GFRA1: variants seen among roughly 807,000 people sequenced by gnomAD.
GFRA1 encodes the protein GDNF family receptor alpha 1.
Under a neutral mutation model 51.6 loss-of-function variants are expected in GFRA1, and 16 were observed. The ratio of observed to expected loss-of-function variants is 0.31; its 90% CI spans 0.21 to 0.47. The LOEUF (loss-of-function observed/expected upper bound fraction) is 0.47, where lower values mean the gene tolerates loss of function less well. GFRA1 is among the 20% of genes least tolerant of loss of function. The probability of loss-of-function intolerance (pLI) is 1.00; values close to 1 mark genes in which losing one functional copy is unlikely to be tolerated. For synonymous variants in GFRA1, 270 were observed against 241.3 expected, an observed-to-expected ratio of 1.12 and a Z score of -1.10; for missense variants, 530 against 594.3, an observed-to-expected ratio of 0.89 and a Z score of 1.13.
chr10:116,234,110 A>C (rs1316416430), intron 4 of GFRA1, among the ~76,000 whole-genome samples: 1 of 152,202 alleles, frequency 6.6e-6, no homozygotes, highest in African/African-American at 2.4e-5. Flanking sequence ...TTTTTGTGCT[A>C]AATCAGAACA....
chr10:116,202,640 T>A (rs917008236), intron 5 of GFRA1, among the ~76,000 whole-genome samples: 2 of 152,072 alleles, frequency 1.3e-5, no homozygotes, highest in African/African-American at 4.8e-5. Flanking sequence ...CAAGCATGTC[T>A]TACCATGGTG....
intron 5 of GFRA1, among the ~76,000 whole-genome samples, chr10:116,168,535 T>G (rs1270169443): frequency 6.6e-6 from 1 of 152,168 alleles, no homozygotes; most frequent in Non-Finnish European, 1.5e-5. Flanking sequence ...TCTGCAGGCC[T>G]GGGCTCACTC....
At chr10:116,159,087 A>G (rs1277295793) in intron 5 of GFRA1, among the ~76,000 whole-genome samples, 1 of 152,214 alleles carries the variant, frequency 6.6e-6, no homozygotes, top group Non-Finnish European at 1.5e-5. Flanking sequence ...CATCCTGGCT[A>G]TATTCAACTA....
At chr10:116,153,884 T>A (rs972887407) in intron 5 of GFRA1, among the ~76,000 whole-genome samples, 5 of 151,916 alleles carry the variant, frequency 3.3e-5, no homozygotes, top group African/African-American at 1.2e-4. Flanking sequence ...ACTCTATAAA[T>A]CAATCAGAAA....
intron 4 of GFRA1, among the ~76,000 whole-genome samples, chr10:116,240,417 C>T (rs1320305621): frequency 2.0e-5 from 3 of 152,184 alleles, no homozygotes; most frequent in Non-Finnish European, 4.4e-5. Context: ...CACCCACTGA[C>T]TAGTTTCTTT....
intron 5 of GFRA1, among the ~76,000 whole-genome samples, chr10:116,159,917 C>G (rs552825988): frequency 2.0e-5 from 3 of 152,346 alleles, no homozygotes; most frequent in African/African-American, 7.2e-5. Flanking sequence ...TTAATCCCAC[C>G]TCCCACTGAT....
At chr10:116,107,550 A>G (rs1303239023) in intron 6 of GFRA1, among the ~76,000 whole-genome samples, 5 of 150,864 alleles carry the variant, frequency 3.3e-5, no homozygotes, top group Non-Finnish European at 3.0e-5. Context: ...TTTATAGGCC[A>G]ATGAAATCAT....
rs528361048 is a variant in GFRA1, at chr10:116,154,910, T to C, written c.434-29353A>G. On this transcript the variant is annotated intron_variant, in intron 5 of 10. Coordinates refer to ENST00000355422, the MANE Select transcript of GFRA1 (RefSeq NM_005264.8). ...GCCACTGCTGACTCATCAGTGGAGATGATTCCATGCACAGGGATCCCCTAC... is the reference window on the plus strand; with the variant it reads ...GCCACTGCTGACTCATCAGTGGAGACGATTCCATGCACAGGGATCCCCTAC... Among the ~76,000 whole-genome samples the C allele has an allele frequency of 5.3e-5, 8 of 152,286 alleles. No individual in the cohort carries two copies. The South Asian group carries it at 1.7e-3, about 32-fold the overall frequency.
In GFRA1 at chr10:116,112,936, C is replaced by T. The variant is rs1309671544; in HGVS notation, c.770+12285G>A. On this transcript the variant is annotated intron_variant, in intron 6 of 10. Coordinates refer to ENST00000355422, the MANE Select transcript of GFRA1 (RefSeq NM_005264.8). ...AGACTGTCTTGGTTCAACGAGACCTCAGGAGCGCTGGTGCACACACAAGTC... is the reference window on the plus strand; with the variant it reads ...AGACTGTCTTGGTTCAACGAGACCTTAGGAGCGCTGGTGCACACACAAGTC... Among the ~76,000 whole-genome samples, 5 of 152,308 alleles carry T rather than the reference C, an allele frequency of 3.3e-5. No homozygotes were observed. The South Asian group carries it at 6.2e-4, about 19-fold the overall frequency.
chr10:116,273,644 A>ACTCTCT (rs763760325), upstream of GFRA1, among the ~76,000 whole-genome samples: 122 of 146,574 alleles, frequency 8.3e-4, no homozygotes, highest in African/African-American at 2.8e-3. Context: ...CCAGACACAC[A>ACTCTCT]CACTCTCTCT....
At chr10:116,203,840 G>T (rs959966652) in intron 5 of GFRA1, among the ~76,000 whole-genome samples, 2 of 152,200 alleles carry the variant, frequency 1.3e-5, no homozygotes, top group African/African-American at 2.4e-5. Context: ...AAACAGTTCT[G>T]TTGTTTTGTC....
intron 5 of GFRA1, among the ~76,000 whole-genome samples, chr10:116,129,139 C>T (rs1181417706): frequency 6.6e-6 from 1 of 152,162 alleles, no homozygotes; most frequent in Non-Finnish European, 1.5e-5. Context: ...ATTTCAGATT[C>T]TCATTCACAC....
intron 4 of GFRA1, among the ~76,000 whole-genome samples, chr10:116,235,696 T>C (rs1162199511): frequency 6.6e-6 from 1 of 152,008 alleles, no homozygotes; most frequent in Non-Finnish European, 1.5e-5. Flanking sequence ...CTAACCCCAA[T>C]GTGATGGTAT....
rs1218117630 is a variant in GFRA1 at position 116,125,551 on chromosome 10, T to G, written c.440A>C (p.His147Pro). 2 of 1,612,358 alleles carry G rather than the reference T, an allele frequency of 1.2e-6. No homozygotes were observed. The highest frequency in any genetic ancestry group is 1.7e-6 in the Non-Finnish European group (2 of 1,179,078). The change falls in exon 6 of 11, where the codon CAC (histidine) becomes CCC (proline). Residue 147 changes from histidine (H) to proline (P), a missense_variant. His to Pro is a moderately conservative substitution (Grantham distance 77). Transcript: ENST00000355422. ...CAGGCAGTTGTTCCCTTTGGGAATGTGCTCCACTGCAAATGCAGAGAAAGA... is the reference window on the plus strand; with the variant it reads ...CAGGCAGTTGTTCCCTTTGGGAATGGGCTCCACTGCAAATGCAGAGAAAGA... ...FISDVFQQVE[H>P]IPKGNNCLDA...
chr10:116,227,316 C>G (rs541267587), intron 4 of GFRA1, among the ~76,000 whole-genome samples: 1 of 152,152 alleles, frequency 6.6e-6, no homozygotes, highest in South Asian at 2.1e-4. Context: ...CCAGCCAATG[C>G]GCAGGGAACT....
intron 4 of GFRA1, among the ~76,000 whole-genome samples, chr10:116,264,861 C>A (rs1191475214): frequency 6.6e-6 from 1 of 152,080 alleles, no homozygotes; most frequent in Non-Finnish European, 1.5e-5. Context: ...TATAGGAACA[C>A]CAGGATTAGA....
At chr10:116,082,482 T>G (rs1955894116) in intron 9 of GFRA1, among the ~76,000 whole-genome samples, 1 of 151,934 alleles carries the variant, frequency 6.6e-6, no homozygotes, top group African/African-American at 2.4e-5. Context: ...TTTTTTTGTT[T>G]TTTTTTTGAG....
chr10:116,174,565 A>G (rs1355294759), intron 5 of GFRA1, among the ~76,000 whole-genome samples: 1 of 152,206 alleles, frequency 6.6e-6, no homozygotes, highest in Admixed American at 6.5e-5. Context: ...AGAAATCAGA[A>G]TTCTCACACT....
chr10:116,202,248 C>T (rs1964394939), intron 5 of GFRA1, among the ~76,000 whole-genome samples: 1 of 152,112 alleles, frequency 6.6e-6, no homozygotes, highest in South Asian at 2.1e-4. Flanking sequence ...GGCAGAACTC[C>T]CACTTGAGGG....
Sources: allele counts gnomAD v4.1 joint callset (sites outside exome capture counted in the v4.1 genomes callset), GRCh38; gene constraint gnomAD v4.1.1; transcripts MANE v1.5; gene names NCBI Gene and HGNC (gene_info 2026-07-23, HGNC 2026-07-21).